ODAD2: variants seen among roughly 807,000 people sequenced by gnomAD.
ODAD2 encodes the protein outer dynein arm-docking complex subunit 2.
Under a neutral mutation model 106.8 loss-of-function variants are expected in ODAD2, and 89 were observed. The observed-to-expected ratio is 0.83, with a 90% CI of 0.70 to 0.99. The LOEUF is 0.99. Ranked by LOEUF, ODAD2 falls within the 50% of genes least tolerant of loss-of-function variation. ODAD2 has a pLI of 0.00. For missense variants in ODAD2, 1,168 were observed against 1,238.5 expected (o/e 0.94, Z 0.85); for synonymous variants, 404 against 436.2 (o/e 0.93, Z 0.92).
intron 10 of ODAD2, among the ~76,000 whole-genome samples, chr10:27,946,460 G>A (rs1165874166): frequency 6.6e-6 from 1 of 152,050 alleles, no homozygotes; most frequent in East Asian, 1.9e-4. Flanking sequence ...TGTATAAAAT[G>A]TGTAGTGATC....
At chr10:27,852,952 C>T (rs569180650) in intron 19 of ODAD2, among the ~76,000 whole-genome samples, 167 of 101,666 alleles carry the variant, frequency 1.6e-3, no homozygotes, top group Non-Finnish European at 2.7e-3. Flanking sequence ...CAGAACGAGA[C>T]ACAGTCTCAA....
At chr10:27,931,627 C>T (rs1845626026) in intron 16 of ODAD2, among the ~76,000 whole-genome samples, 1 of 150,978 alleles carries the variant, frequency 6.6e-6, no homozygotes, top group African/African-American at 2.4e-5. Flanking sequence ...TCTGGCTTTT[C>T]TTCAGTGGAT....
chr10:27,951,251 T>C (rs1421562084), intron 10 of ODAD2, among the ~76,000 whole-genome samples: 2 of 152,212 alleles, frequency 1.3e-5, no homozygotes, highest in African/African-American at 4.8e-5. Context: ...TGGGGTTTTG[T>C]TAACATGATT....
chr10:27,839,903 G>A (rs1798627527), intron 19 of ODAD2, among the ~76,000 whole-genome samples: 1 of 152,148 alleles, frequency 6.6e-6, no homozygotes, highest in Non-Finnish European at 1.5e-5. Context: ...ACAAAAAAGA[G>A]TCAACTGTTA....
chr10:27,920,942 T>C (rs1230053114), intron 16 of ODAD2, among the ~76,000 whole-genome samples: 1 of 152,120 alleles, frequency 6.6e-6, no homozygotes, highest in East Asian at 1.9e-4. Flanking sequence ...GATTCCATGG[T>C]AAGTTTTAAT....
At chr10:27,893,216 A>C (rs141182393) in intron 17 of ODAD2, among the ~76,000 whole-genome samples, 1 of 152,136 alleles carries the variant, frequency 6.6e-6, no homozygotes. Flanking sequence ...AAAAGAAATA[A>C]AGAAAAGATG....
intron 17 of ODAD2, among the ~76,000 whole-genome samples, chr10:27,883,717 A>T (rs1291854894): frequency 6.6e-6 from 1 of 152,222 alleles, no homozygotes; most frequent in Admixed American, 6.6e-5. Context: ...AAATTGTGTT[A>T]AAAATTAAAT....
chr10:27,874,965 C>T (rs1419331354), intron 17 of ODAD2, among the ~76,000 whole-genome samples: 3 of 152,144 alleles, frequency 2.0e-5, no homozygotes, highest in African/African-American at 4.8e-5. Flanking sequence ...AACTTGGTTC[C>T]ATTCTCCCCA....
intron 19 of ODAD2, among the ~76,000 whole-genome samples, chr10:27,832,436 G>A (rs376138848): frequency 6.6e-6 from 1 of 152,056 alleles, no homozygotes; most frequent in African/African-American, 2.4e-5. Context: ...CATGCTGCTA[G>A]CTGACTACTT....
intron 17 of ODAD2, among the ~76,000 whole-genome samples, chr10:27,887,013 G>A (rs779161864): frequency 2.8e-4 from 42 of 151,884 alleles, no homozygotes; most frequent in Non-Finnish European, 5.7e-4. Context: ...GCAAAAATAA[G>A]TGCTTTCCTA....
At chr10:27,933,087 A>G (rs1267335856) in intron 16 of ODAD2, among the ~76,000 whole-genome samples, 1 of 152,018 alleles carries the variant, frequency 6.6e-6, no homozygotes, top group Non-Finnish European at 1.5e-5. Flanking sequence ...AAGACCCCCA[A>G]CTCCACAAAA....
At chr10:27,974,997 A>C (rs546988826) in intron 7 of ODAD2, among the ~76,000 whole-genome samples, 1 of 152,048 alleles carries the variant, frequency 6.6e-6, no homozygotes, top group Admixed American at 6.6e-5. Flanking sequence ...TCTTTTTGTG[A>C]TAATTGTGAA....
At chr10:27,959,048 A>C in intron 10 of ODAD2, 1 of 1,288,790 alleles carries the variant, frequency 7.8e-7, no homozygotes, top group East Asian at 5.6e-5. Context: ...CTGAAAGACT[A>C]TGTCTTGGAC....
chr10:27,906,791 T>C (rs7095239), intron 17 of ODAD2, among the ~76,000 whole-genome samples: 100,087 of 151,912 alleles, frequency 0.66, 33,363 homozygotes, highest in Middle Eastern at 0.73. Flanking sequence ...CATGTTCTCA[T>C]TCATAAGCGG....
intron 2 of ODAD2, among the ~76,000 whole-genome samples, chr10:27,994,144 T>C (rs995358170): frequency 3.9e-5 from 6 of 152,086 alleles, no homozygotes; most frequent in African/African-American, 1.4e-4. Flanking sequence ...TTGAATGAGA[T>C]AGATTGAGAG....
At chr10:27,943,856 A>G (rs1175829412) in intron 12 of ODAD2, among the ~76,000 whole-genome samples, 1 of 143,812 alleles carries the variant, frequency 7.0e-6, no homozygotes, top group African/African-American at 2.5e-5. Context: ...ACAGCTTTTA[A>G]GTTGTAAAGC....
At chr10:27,962,737 A>G (rs537840241) in intron 9 of ODAD2, among the ~76,000 whole-genome samples, 9 of 152,186 alleles carry the variant, frequency 5.9e-5, no homozygotes, top group Non-Finnish European at 1.2e-4. Flanking sequence ...TCCCTCATGC[A>G]CACGCACACT....
chr10:27,892,185 G>A (rs1273697824), intron 17 of ODAD2, among the ~76,000 whole-genome samples: 3 of 152,094 alleles, frequency 2.0e-5, no homozygotes, highest in Admixed American at 6.6e-5. Flanking sequence ...TACAGAGGTC[G>A]AATCTTAGGA....
chr10:27,976,705 C>A (rs1260895307), intron 7 of ODAD2, among the ~76,000 whole-genome samples: 1 of 152,092 alleles, frequency 6.6e-6, no homozygotes. Flanking sequence ...CAATCTCAAC[C>A]GTAATTCCAT....
Sources: gnomAD v4.1 joint callset for allele counts (sites outside exome capture counted in the v4.1 genomes callset) on GRCh38, gnomAD v4.1.1 for gene constraint, MANE v1.5 for transcripts, NCBI Gene and HGNC (gene_info 2026-07-23, HGNC 2026-07-21) for gene names.